Variants in USP37 observed in about 807,000 individuals in gnomAD.
USP37 encodes the protein ubiquitin specific peptidase 37.
In USP37, 27 loss-of-function variants were observed where a neutral mutation model predicts 124.0. That is an observed-to-expected ratio of 0.22 (90% CI 0.16 to 0.30). The LOEUF is 0.30. USP37 is among the 10% of genes least tolerant of loss of function. The pLI is 1.00. For synonymous variants in USP37, 365 were observed against 388.0 expected (o/e 0.94, Z 0.70); for missense variants, 889 against 1,140.4 (o/e 0.78, Z 3.17).
At chr2:218,467,779 C>A (rs904646145) in intron 20 of USP37, among the ~76,000 whole-genome samples, 1 of 152,088 alleles carries the variant, frequency 6.6e-6, no homozygotes, top group African/African-American at 2.4e-5. Context: ...CCACCCCTCC[C>A]GGCCTGTTCC....
chr2:218,500,007 A>C (rs772055698), intron 11 of USP37, among the ~76,000 whole-genome samples: 3 of 152,094 alleles, frequency 2.0e-5, no homozygotes, highest in Non-Finnish European at 4.4e-5. Flanking sequence ...GGGCTCAAGC[A>C]ATCCTCCTTC....
chr2:218,556,986 A>AT (rs1223328194), intron 4 of USP37, among the ~76,000 whole-genome samples: 2 of 152,040 alleles, frequency 1.3e-5, no homozygotes, highest in Non-Finnish European at 2.9e-5. Context: ...CCTCAACCTT[A>AT]TAAGTAGCTG....
At chr2:218,536,432 C>T (rs2106031750) in intron 8 of USP37, among the ~76,000 whole-genome samples, 1 of 152,254 alleles carries the variant, frequency 6.6e-6, no homozygotes, top group Middle Eastern at 3.4e-3. Flanking sequence ...ACAGGACTGC[C>T]CTCAAGTTAC....
intron 8 of USP37, among the ~76,000 whole-genome samples, chr2:218,541,919 C>G (rs750171865): frequency 1.6e-4 from 24 of 152,260 alleles, no homozygotes; most frequent in Non-Finnish European, 3.1e-4. Flanking sequence ...TGTGGTTCAC[C>G]AGTCAGCATC....
chr2:218,527,291 A>G (rs957589181), intron 10 of USP37, among the ~76,000 whole-genome samples: 6 of 152,190 alleles, frequency 3.9e-5, no homozygotes, highest in African/African-American at 1.4e-4. Context: ...GGAGTAGGAA[A>G]GCAGCATATT....
intron 23 of USP37, among the ~76,000 whole-genome samples, chr2:218,457,608 A>G (rs1237691920): frequency 6.6e-6 from 1 of 152,246 alleles, no homozygotes; most frequent in Non-Finnish European, 1.5e-5. Flanking sequence ...AATAGAACAA[A>G]AATGTTAAAA....
rs116747303 is a variant in USP37, at chr2:218,471,219, G to A, written c.2299+3411C>T. 3.3e-3 allele frequency among the ~76,000 whole-genome samples: 503 copies of A among 152,214 alleles called. 2 individuals carry two copies. The highest frequency in any genetic ancestry group is 0.012 in the African/African-American group (484 of 41,530). ...AGTTGGGGTTTTGTCAGGCTACTGC[G>A]ACAGAAGAAAAGAGGAAGGAGATAA... On this transcript the variant is annotated intron_variant, in intron 20 of 25. Coordinates refer to ENST00000258399, the MANE Select transcript of USP37 (RefSeq NM_020935.3).
chr2:218,528,522 T>C (rs1574929570), intron 10 of USP37: 1 of 319,988 alleles, frequency 3.1e-6, no homozygotes, highest in East Asian at 4.9e-5. Flanking sequence ...GAATATGTGG[T>C]GTTTGGTTTT....
rs550487422 is a variant in USP37, at chr2:218,453,658, G to A, written c.*1272C>T. On this transcript the variant is annotated 3_prime_UTR_variant, in exon 26 of 26. Coordinates refer to ENST00000258399, the MANE Select transcript of USP37 (RefSeq NM_020935.3). ...TTACGTCAGCTAAGTGACTAGCATA[G>A]CACTTAATGTTGCCGCTCTACTTTG... is the stretch of plus-strand genomic sequence containing the variant. 7 of 152,306 alleles carry A rather than the reference G, an allele frequency of 4.6e-5. No individual in the cohort carries two copies. The East Asian group carries it at 1.3e-3, about 29-fold the overall frequency. The allele number at this position is 152,306 out of a possible 1,614,324, so 9.4% of individuals were successfully genotyped here.
chr2:218,493,595 C>T (rs1688912966), intron 14 of USP37, among the ~76,000 whole-genome samples: 1 of 152,114 alleles, frequency 6.6e-6, no homozygotes, highest in Non-Finnish European at 1.5e-5. Flanking sequence ...CTCAGCCTCC[C>T]TAGTAGCTGG....
intron 10 of USP37, among the ~76,000 whole-genome samples, chr2:218,519,464 A>G (rs1295760328): frequency 2.0e-5 from 3 of 152,100 alleles, no homozygotes; most frequent in Non-Finnish European, 4.4e-5. Context: ...GGCTCCCTAT[A>G]TTGGTAGGTC....
intron 15 of USP37, 92 bp from the exon 16 acceptor site, chr2:218,485,835 G>T: frequency 1.5e-6 from 2 of 1,363,672 alleles, no homozygotes; most frequent in Non-Finnish European, 2.0e-6. Context: ...AGTTCCATTA[G>T]TGGAATGACA....
chr2:218,546,980 G>A lies in USP37; in HGVS notation c.541C>T (p.Arg181Trp), dbSNP rs139468408. 4.6e-5 allele frequency: 75 copies of A among 1,613,192 alleles called. No homozygotes were observed. Among genetic ancestry groups the A allele is most frequent in the Non-Finnish European group, 6.1e-5 (72 of 1,179,826 alleles). ...GTAGATGTCAAAGAAGGAATCGTCC[G>A]AGCTATTCCACTTCCTGCTACAGTC... ...IKTVAGSGIA[R>W]TIPSLTSTST... The change falls in exon 7 of 26, where the codon CGG becomes TGG. Residue 181 changes from arginine (R) to tryptophan (W), a missense_variant. Physicochemically the swap from Arg to Trp is moderately radical, Grantham distance 101. Coordinates refer to ENST00000258399, the MANE Select transcript of USP37 (RefSeq NM_020935.3).
chr2:218,497,348 G>A (rs1228893178), intron 13 of USP37, among the ~76,000 whole-genome samples: 1 of 151,500 alleles, frequency 6.6e-6, no homozygotes, highest in African/African-American at 2.4e-5. Flanking sequence ...TGGGATTATA[G>A]GCGTGAGCCA....
At chr2:218,486,941 T>C (rs925400731) in intron 15 of USP37, among the ~76,000 whole-genome samples, 1 of 152,078 alleles carries the variant, frequency 6.6e-6, no homozygotes, top group Non-Finnish European at 1.5e-5. Context: ...TTAGCCAGGA[T>C]GGTCTCGATC....
chr2:218,487,814 AGATTT>A (rs1691660578), intron 15 of USP37, among the ~76,000 whole-genome samples: 1 of 152,134 alleles, frequency 6.6e-6, no homozygotes, highest in African/African-American at 2.4e-5. Context: ...AGTTATAATT[AGATTT>A]ATCAAGCTTT....
chr2:218,564,283 A>G (rs1004177421), intron 1 of USP37, among the ~76,000 whole-genome samples: 2 of 152,242 alleles, frequency 1.3e-5, no homozygotes, highest in South Asian at 2.1e-4. Context: ...AACATTTACT[A>G]AGCAGTGCTA....
At chr2:218,498,204 AAGTATGTTC>A in intron 11 of USP37, 47 bp from the exon 12 acceptor site, 1 of 1,535,834 alleles carries the variant, frequency 6.5e-7, no homozygotes, top group Non-Finnish European at 8.7e-7. Context: ...GGAATTCCTA[AAGTATGTTC>A]AGTATAGTAG....
chr2:218,516,067 G>A (rs182207146), intron 10 of USP37, among the ~76,000 whole-genome samples: 37 of 152,308 alleles, frequency 2.4e-4, no homozygotes, highest in Admixed American at 3.3e-4. Context: ...GGAGAAACAG[G>A]TATGCTTTTA....
Sources: gnomAD v4.1 joint callset for allele counts (sites outside exome capture counted in the v4.1 genomes callset) on GRCh38, gnomAD v4.1.1 for gene constraint, MANE v1.5 for transcripts, NCBI Gene and HGNC (gene_info 2026-07-23, HGNC 2026-07-21) for gene names.